Variants in FHAD1 observed in about 807,000 individuals in gnomAD.
The protein encoded by FHAD1 is forkhead-associated domain-containing protein 1.
A neutral mutation model predicts 191.3 loss-of-function variants in FHAD1; 146 were observed. That is an observed-to-expected ratio of 0.76 (90% CI 0.67 to 0.88). FHAD1 has a LOEUF of 0.88. Ranked by LOEUF, FHAD1 falls within the 40% of genes least tolerant of loss-of-function variation. The pLI is 0.00. For synonymous variants in FHAD1, 616 were observed against 672.3 expected (o/e 0.92, Z 1.29); for missense variants, 1,635 against 1,785.8 (o/e 0.92, Z 1.52).
chr1:15,390,823 G>T (rs1363906431), intron 32 of FHAD1, among the ~76,000 whole-genome samples: 1 of 152,174 alleles, frequency 6.6e-6, no homozygotes, highest in South Asian at 2.1e-4. Context: ...GGATACCGAG[G>T]TGTGAACCAC....
At chr1:15,320,413 CTGTG>C (rs544653388) in intron 10 of FHAD1, among the ~76,000 whole-genome samples, 2 of 152,036 alleles carry the variant, frequency 1.3e-5, no homozygotes, top group Admixed American at 6.5e-5. Context: ...TTTTTTTTGT[CTGTG>C]TGTTTTGTCA....
At chr1:15,394,797 C>T (rs1705362632) in intron 33 of FHAD1, among the ~76,000 whole-genome samples, 1 of 152,096 alleles carries the variant, frequency 6.6e-6, no homozygotes, top group Non-Finnish European at 1.5e-5. Context: ...AGCCCTCTTG[C>T]CCCAGGTGTA....
chr1:15,266,166 G>C (rs192796169), intron 2 of FHAD1, among the ~76,000 whole-genome samples: 8 of 152,072 alleles, frequency 5.3e-5, no homozygotes, highest in Non-Finnish European at 1.2e-4. Flanking sequence ...CTGGAGTGTG[G>C]TGGTGCCATC....
intron 3 of FHAD1, among the ~76,000 whole-genome samples, chr1:15,272,943 C>A (rs922443625): frequency 3.3e-5 from 5 of 152,168 alleles, no homozygotes; most frequent in African/African-American, 1.2e-4. Flanking sequence ...CTTGACGGCA[C>A]ATGGCATCAA....
At chr1:15,247,205 C>T (rs537206724), upstream of FHAD1, 31 of 162,932 alleles carry the variant, frequency 1.9e-4, no homozygotes, top group Middle Eastern at 3.2e-3. Context: ...TAGGCTGGAC[C>T]CCGCGGCGCC....
At chr1:15,382,254 G>A (rs1376243446) in intron 31 of FHAD1, 61 bp downstream of exon 31, 1 of 1,501,936 alleles carries the variant, frequency 6.7e-7, no homozygotes, top group Non-Finnish European at 9.0e-7. Flanking sequence ...CATTAGCAAT[G>A]GCCGAGGGTG....
intron 2 of FHAD1, among the ~76,000 whole-genome samples, chr1:15,266,693 A>G (rs1049337318): frequency 5.9e-5 from 9 of 152,112 alleles, no homozygotes; most frequent in African/African-American, 1.9e-4. Flanking sequence ...CCAATATAGA[A>G]TCATACAGAA....
chr1:15,313,372 T>C (rs377501179), intron 8 of FHAD1, among the ~76,000 whole-genome samples, 185 bp downstream of exon 8: 308 of 152,306 alleles, frequency 2.0e-3, no homozygotes, highest in African/African-American at 6.9e-3. Context: ...ATGAAATGCC[T>C]ACCTAGAAAA....
At chr1:15,389,157 T>C (rs188767408) in intron 32 of FHAD1, among the ~76,000 whole-genome samples, 66 of 152,202 alleles carry the variant, frequency 4.3e-4, no homozygotes, top group Non-Finnish European at 7.6e-4. Context: ...CAAAGGATTT[T>C]GTGTGGGTAA....
Position 15,349,404 on chromosome 1 carries a change from T to C in FHAD1, c.2454+255T>C, listed in dbSNP as rs76685883. On this transcript the variant is annotated intron_variant, in intron 19 of 33. Coordinates refer to ENST00000688493, the MANE Select transcript of FHAD1 (RefSeq NM_001391957.1). Reference sequence around the variant, plus strand: ...CTCTCAGGTGTCAAGTACATAGGACTGCACCCTGCATCCTAGAGGGCCCTC... The same window carrying C: ...CTCTCAGGTGTCAAGTACATAGGACCGCACCCTGCATCCTAGAGGGCCCTC... Among the ~76,000 whole-genome samples the C allele has an allele frequency of 7.2e-3, 1,096 of 152,336 alleles. 19 individuals carry two copies. Among genetic ancestry groups the C allele is most frequent in the African/African-American group, 0.025 (1,026 of 41,576 alleles).
chr1:15,293,843 C>T (rs78672976), intron 4 of FHAD1, among the ~76,000 whole-genome samples: 10,369 of 152,034 alleles, frequency 0.068, 465 homozygotes, highest in Non-Finnish European at 0.11. Context: ...CTGTTTCTTT[C>T]TTTTTTCACT....
chr1:15,236,874 A>G (rs1299113246), intron 1 of FHAD1, among the ~76,000 whole-genome samples: 1 of 152,186 alleles, frequency 6.6e-6, no homozygotes, highest in Non-Finnish European at 1.5e-5. Context: ...TAATCCACAC[A>G]TGTCGTGGAA....
chr1:15,303,323 G>A (rs1018436811), intron 6 of FHAD1, among the ~76,000 whole-genome samples: 17 of 152,174 alleles, frequency 1.1e-4, no homozygotes, highest in Admixed American at 3.9e-4. Context: ...CTAACTCCTT[G>A]AGGAGCCTCT....
downstream of FHAD1, among the ~76,000 whole-genome samples, chr1:15,401,862 T>C (rs975123667): frequency 6.6e-6 from 1 of 152,220 alleles, no homozygotes; most frequent in African/African-American, 2.4e-5. Context: ...ACTGCTTGCA[T>C]CCGTCTGCTC....
At chr1:15,324,367 C>T (rs977871602) in intron 10 of FHAD1, 85 bp from the exon 11 acceptor site, 29 of 1,088,710 alleles carry the variant, frequency 2.7e-5, no homozygotes, top group African/African-American at 7.8e-5. Context: ...GGACCCCCCA[C>T]GGCCATTAGA....
intron 23 of FHAD1, 90 bp downstream of exon 23, chr1:15,362,816 C>T: frequency 1.0e-6 from 1 of 993,882 alleles, no homozygotes; most frequent in Non-Finnish European, 1.5e-6. Context: ...ACCTGGGCCA[C>T]ATTGTCAGAA....
chr1:15,366,026 G>A (rs566876024), intron 24 of FHAD1, 93 bp downstream of exon 24: 135 of 844,756 alleles, frequency 1.6e-4, no homozygotes, highest in Middle Eastern at 2.3e-4. Flanking sequence ...AGTGGCGCAC[G>A]CCTATAATCC....
intron 20 of FHAD1, among the ~76,000 whole-genome samples, chr1:15,354,473 G>A (rs1692024017): frequency 6.6e-6 from 1 of 152,180 alleles, no homozygotes; most frequent in African/African-American, 2.4e-5. Flanking sequence ...GGCTGTCATG[G>A]TCACAGAGGA....
At chr1:15,366,373 G>C (rs1053569008) in intron 24 of FHAD1, among the ~76,000 whole-genome samples, 1 of 151,736 alleles carries the variant, frequency 6.6e-6, no homozygotes, top group South Asian at 2.1e-4. Context: ...TTTAACTCAG[G>C]GTCAGCAAAA....
Sources: gnomAD v4.1 joint callset for allele counts (sites outside exome capture counted in the v4.1 genomes callset) on GRCh38, gnomAD v4.1.1 for gene constraint, MANE v1.5 for transcripts, NCBI Gene and HGNC (gene_info 2026-07-23, HGNC 2026-07-21) for gene names.